Variants in FAM13A observed in about 807,000 individuals in gnomAD.
FAM13A encodes protein FAM13A.
In FAM13A, 76 loss-of-function variants were observed where a neutral mutation model predicts 129.6. That is an observed-to-expected ratio of 0.59 (90% CI 0.49 to 0.71). The LOEUF (loss-of-function observed/expected upper bound fraction) is 0.71. Ranked by LOEUF, FAM13A falls within the 30% of genes least tolerant of loss-of-function variation. The pLI is 0.00. For missense variants in FAM13A, 1,108 were observed against 1,249.3 expected, an observed-to-expected ratio of 0.89 and a Z score of 1.70; for synonymous variants, 443 against 449.9, an observed-to-expected ratio of 0.98 and a Z score of 0.20.
chr4:88,937,867 G>C (rs1337941847), intron 5 of FAM13A: 1 of 569,954 alleles, frequency 1.8e-6, no homozygotes, highest in East Asian at 2.9e-5. Flanking sequence ...TGACTTTATA[G>C]CAACAAGAAA....
At chr4:88,910,095 C>A (rs1486436110) in intron 5 of FAM13A, among the ~76,000 whole-genome samples, 1 of 152,168 alleles carries the variant, frequency 6.6e-6, no homozygotes, top group African/African-American at 2.4e-5. Flanking sequence ...CAAATATCAA[C>A]TGAATCTTAT....
intron 7 of FAM13A, among the ~76,000 whole-genome samples, chr4:88,815,667 C>A (rs886265624): frequency 6.6e-6 from 1 of 152,098 alleles, no homozygotes; most frequent in Non-Finnish European, 1.5e-5. Context: ...AGTTCATCTG[C>A]CATTTTTATG....
chr4:88,900,124 T>C lies in FAM13A; in HGVS notation c.843+6255A>G, dbSNP rs1747043212. Among the ~76,000 whole-genome samples the C allele has an allele frequency of 2.0e-5, 3 of 152,174 alleles. No homozygotes were observed. In the South Asian group the frequency reaches 6.2e-4, roughly 32 times the overall value. On this transcript the variant is annotated intron_variant, in intron 6 of 23. Coordinates refer to ENST00000264344, the MANE Select transcript of FAM13A (RefSeq NM_014883.4). ...GAATAAACAAAACCTCTGAGATGCA[T>C]GGGATTATGTAAAGATGTCAAACCT...
At chr4:89,007,071 G>T (rs1560767258) in intron 3 of FAM13A, among the ~76,000 whole-genome samples, 1 of 152,134 alleles carries the variant, frequency 6.6e-6, no homozygotes, top group Non-Finnish European at 1.5e-5. Flanking sequence ...GCTTGAGGGT[G>T]GAGCCCTCAC....
chr4:89,030,816 A>G (rs995885567), intron 1 of FAM13A, among the ~76,000 whole-genome samples: 17 of 152,184 alleles, frequency 1.1e-4, no homozygotes, highest in South Asian at 8.3e-4. Flanking sequence ...TATAAATGCT[A>G]TATGTGACAT....
chr4:88,904,612 G>C (rs191666266), intron 6 of FAM13A, among the ~76,000 whole-genome samples: 1 of 152,084 alleles, frequency 6.6e-6, no homozygotes, highest in Admixed American at 6.6e-5. Context: ...ACTGGGACCC[G>C]TCAGTGGGGT....
chr4:88,783,650 C>T (rs1723401940), intron 10 of FAM13A, among the ~76,000 whole-genome samples: 1 of 152,138 alleles, frequency 6.6e-6, no homozygotes, highest in Non-Finnish European at 1.5e-5. Context: ...TTTATGTACC[C>T]TCAAAATTCA....
chr4:88,743,606 C>T (rs566522631), intron 19 of FAM13A, among the ~76,000 whole-genome samples: 4 of 152,142 alleles, frequency 2.6e-5, no homozygotes, highest in East Asian at 1.9e-4. Context: ...GATCTTTAAC[C>T]GTGATGATTT....
intron 3 of FAM13A, among the ~76,000 whole-genome samples, chr4:89,013,873 A>C (rs1411391468): frequency 6.6e-6 from 1 of 152,204 alleles, no homozygotes; most frequent in Non-Finnish European, 1.5e-5. Context: ...CTGTCTATGT[A>C]GAGTTTGTGC....
intron 7 of FAM13A, among the ~76,000 whole-genome samples, chr4:88,831,756 A>C (rs1315867197): frequency 1.3e-5 from 2 of 152,222 alleles, no homozygotes; most frequent in Non-Finnish European, 2.9e-5. Context: ...GACACAAACA[A>C]ATGGAAAAAC....
At chr4:88,767,469 T>C (rs895844457) in intron 13 of FAM13A, 84 bp downstream of exon 13, 14 of 958,056 alleles carry the variant, frequency 1.5e-5, no homozygotes, top group African/African-American at 1.0e-4. Context: ...ATGTCCCTTA[T>C]TGGCAGACTA....
At chr4:88,731,211 G>C (rs1737679051) in intron 23 of FAM13A, 116 bp downstream of exon 23, 1 of 610,258 alleles carries the variant, frequency 1.6e-6, no homozygotes, top group African/African-American at 1.9e-5. Context: ...GTTACAGGGA[G>C]GATGCAGAAG....
chr4:88,929,715 AT>A (rs1193346376), intron 5 of FAM13A, among the ~76,000 whole-genome samples: 1 of 151,700 alleles, frequency 6.6e-6, no homozygotes, highest in African/African-American at 2.4e-5. Flanking sequence ...GCTTCAGTGC[AT>A]TTTTTTAATT....
At chr4:88,979,584 G>C (rs961317571) in intron 4 of FAM13A, among the ~76,000 whole-genome samples, 1 of 152,028 alleles carries the variant, frequency 6.6e-6, no homozygotes, top group African/African-American at 2.4e-5. Flanking sequence ...AGGGTTTTGA[G>C]GATAAAATGA....
chr4:88,974,045 A>G (rs560720446), intron 4 of FAM13A, among the ~76,000 whole-genome samples: 4 of 152,136 alleles, frequency 2.6e-5, no homozygotes, highest in Non-Finnish European at 4.4e-5. Context: ...GTATATTTCA[A>G]ATTGGTTCCT....
chr4:88,954,885 CAAAAAA>C (rs71598428), intron 4 of FAM13A, among the ~76,000 whole-genome samples: 7 of 123,978 alleles, frequency 5.6e-5, no homozygotes, highest in African/African-American at 2.1e-4. Flanking sequence ...GACTTCGTCT[CAAAAAA>C]AAAAAAAAAG....
intron 19 of FAM13A, 42 bp downstream of exon 19, chr4:88,746,890 C>T (rs1741457096): frequency 7.9e-7 from 1 of 1,259,126 alleles, no homozygotes; most frequent in Non-Finnish European, 1.2e-6. Context: ...TTTCTAAAGC[C>T]AGATAATTGA....
chr4:88,804,027 C>A (rs529934274), intron 8 of FAM13A, among the ~76,000 whole-genome samples: 2 of 151,998 alleles, frequency 1.3e-5, no homozygotes, highest in Non-Finnish European at 2.9e-5. Flanking sequence ...GAGGCTGAGG[C>A]GGGTGGATCA....
intron 14 of FAM13A, among the ~76,000 whole-genome samples, chr4:88,754,037 G>A (rs939584608): frequency 6.6e-6 from 1 of 152,222 alleles, no homozygotes; most frequent in African/African-American, 2.4e-5. Flanking sequence ...AGGGATGTGA[G>A]GCTTCACACT....
Sources: allele counts gnomAD v4.1 joint callset (sites outside exome capture counted in the v4.1 genomes callset), GRCh38; gene constraint gnomAD v4.1.1; transcripts MANE v1.5; gene names NCBI Gene and HGNC (gene_info 2026-07-23, HGNC 2026-07-21).